Variants in CEP131 observed in about 807,000 individuals in gnomAD.
The protein encoded by CEP131 is centrosomal protein of 131 kDa.
A neutral mutation model predicts 136.8 loss-of-function variants in CEP131; 99 were observed. The observed-to-expected ratio is 0.72, with a 90% confidence interval of 0.62 to 0.86. CEP131 has a LOEUF of 0.86. CEP131 is among the 40% of genes least tolerant of loss of function. The pLI is 0.00. For missense variants in CEP131, 1,459 were observed against 1,463.0 expected (o/e 1.00, Z 0.04); for synonymous variants, 646 against 612.7 (o/e 1.05, Z -0.80).
At chr17:81,211,268 G>A (rs916808915) in intron 2 of CEP131, among the ~76,000 whole-genome samples, 2 of 152,246 alleles carry the variant, frequency 1.3e-5, no homozygotes, top group African/African-American at 2.4e-5. Context: ...CGCTGGAAAG[G>A]TGTTCGGGAG....
In CEP131 at chr17:81,192,603, G is replaced by A. The variant is rs569645104; in HGVS notation, c.2430-10C>T. On this transcript the variant is annotated splice_polypyrimidine_tract_variant and intron_variant, in intron 19 of 25. Coordinates refer to ENST00000450824, the MANE Select transcript of CEP131 (RefSeq NM_014984.4). The stretch of plus-strand genomic sequence containing the variant: ...CAGCTCCGCCCGCTGCCTGCGGCCA[G>A]GGAGGAGTCAGCAGGTGAGGGGTCA... 28 of 1,602,736 alleles carry A rather than the reference G, an allele frequency of 1.7e-5. No individual in the cohort carries two copies. The East Asian group carries it at 5.1e-4, about 29-fold the overall frequency.
At chr17:81,217,770 T>G (rs542468426) in intron 2 of CEP131, among the ~76,000 whole-genome samples, 1 of 152,194 alleles carries the variant, frequency 6.6e-6, no homozygotes, top group South Asian at 2.1e-4. Context: ...GAGCGGGCAA[T>G]GGTACCAGCC....
chr17:81,194,894 T>A lies in CEP131; in HGVS notation c.2095A>T (p.Lys699Ter). 2 of 1,613,280 alleles carry A rather than the reference T, an allele frequency of 1.2e-6. No individual in the cohort carries two copies. Among genetic ancestry groups the A allele is most frequent in the Non-Finnish European group, 1.7e-6 (2 of 1,179,964 alleles). ...REKWISEKTKKIKEVTVRGLE... is the reference protein window; with the variant it reads ...REKWISEKTK Reference sequence around the variant, plus strand: ...CCTCGGACAGTGACCTCCTTGATCTTCTTGGTTTTCTCACTGATCCACTTC... The same window carrying A: ...CCTCGGACAGTGACCTCCTTGATCTACTTGGTTTTCTCACTGATCCACTTC... The change falls in exon 17 of 26, where the codon AAG (lysine) becomes TAG (stop). Residue 699 changes from lysine to a stop codon, truncating the protein, a stop_gained. Transcript: ENST00000450824. LOFTEE classifies it high-confidence loss of function.
At chr17:81,198,763 TG>T in intron 11 of CEP131, 113 bp downstream of exon 11, 2 of 1,053,360 alleles carry the variant, frequency 1.9e-6, no homozygotes, top group South Asian at 1.4e-5. Flanking sequence ...TGAGCTTAAG[TG>T]GCCCCTAGAG....
At chr17:81,201,094 G>C (rs1261683480) in intron 7 of CEP131, among the ~76,000 whole-genome samples, 1 of 152,016 alleles carries the variant, frequency 6.6e-6, no homozygotes, top group Admixed American at 6.6e-5. Context: ...AAAAAAAAAT[G>C]CTTCACCTTG....
At chr17:81,198,846 A>G (rs564725994) in intron 11 of CEP131, 31 bp downstream of exon 11, 1 of 1,554,910 alleles carries the variant, frequency 6.4e-7, no homozygotes, top group Admixed American at 1.9e-5. Flanking sequence ...GCCAAAAACC[A>G]TGATGGAGTG....
In CEP131 at chr17:81,193,939, G is replaced by A. The variant is rs78439746; in HGVS notation, c.2308C>T (p.Arg770Cys). 6.1e-4 allele frequency: 943 copies of A among 1,536,764 alleles called. 8 individuals carry two copies. In the African/African-American group the frequency reaches 0.011, roughly 19 times the overall value. Reference sequence around the variant, plus strand: ...GCCACCACCCACCGCTGCCGAGCACGTTCGCGCTCCTGCTGGCCCAGCGCC... The same window carrying A: ...GCCACCACCCACCGCTGCCGAGCACATTCGCGCTCCTGCTGGCCCAGCGCC... ...KEALGQQERE[R>C]ARQRFQQHLE... Residue 770 changes from arginine to cysteine, a missense_variant, in exon 18 of 26, where the codon CGT becomes TGT. Arg to Cys is a radical substitution (Grantham distance 180). Transcript: ENST00000450824.
At chr17:81,206,423 T>C (rs1392728748) in intron 5 of CEP131, among the ~76,000 whole-genome samples, 1 of 152,130 alleles carries the variant, frequency 6.6e-6, no homozygotes, top group Non-Finnish European at 1.5e-5. Flanking sequence ...TCTATTTCTT[T>C]TGGAGCTTCC....
At chr17:81,195,606 G>A (rs1429865560) in intron 16 of CEP131, among the ~76,000 whole-genome samples, 2 of 152,218 alleles carry the variant, frequency 1.3e-5, no homozygotes, top group Non-Finnish European at 2.9e-5. Context: ...GTCCACATCT[G>A]TGACAGCAGG....
intron 1 of CEP131, 78 bp from the exon 2 acceptor site, chr17:81,220,151 C>CTGAGG: frequency 2.4e-6 from 3 of 1,255,652 alleles, no homozygotes; most frequent in Non-Finnish European, 3.1e-6. Context: ...TCCAGCCCAG[C>CTGAGG]CTCAGCTGGG....
chr17:81,207,696 C>T (rs906731580), intron 3 of CEP131, among the ~76,000 whole-genome samples: 9 of 151,594 alleles, frequency 5.9e-5, no homozygotes, highest in South Asian at 2.1e-4. Flanking sequence ...CTGCCACCCT[C>T]TTCCCTGTGA....
chr17:81,196,171 C>T (rs978201621), intron 15 of CEP131, among the ~76,000 whole-genome samples: 11 of 152,128 alleles, frequency 7.2e-5, no homozygotes, highest in Admixed American at 5.2e-4. Flanking sequence ...CTGGGGGACC[C>T]GGCGAATGTC....
At chr17:81,198,361 G>T (rs1199265226) in intron 11 of CEP131, 64 bp from the exon 12 acceptor site, 9 of 1,481,438 alleles carry the variant, frequency 6.1e-6, no homozygotes, top group African/African-American at 1.4e-5. Flanking sequence ...CCCCCACATA[G>T]GAGGCCAACC....
chr17:81,219,393 G>A lies in CEP131; in HGVS notation c.177+487C>T, dbSNP rs188774409. Reference sequence around the variant, plus strand: ...ACCGCAACCTCTGCCTCCTGGGTTCGAGCAAATCTCCTGCCTCAGCCTCCC... The same window carrying A: ...ACCGCAACCTCTGCCTCCTGGGTTCAAGCAAATCTCCTGCCTCAGCCTCCC... On this transcript the variant is annotated intron_variant, in intron 2 of 25. Transcript: ENST00000450824. The surrounding 1 kb of genome is among the most constrained non-coding windows in gnomAD (Gnocchi z 4.0). Among the ~76,000 whole-genome samples, 5 of 149,914 alleles carry A rather than the reference G, an allele frequency of 3.3e-5. No homozygotes were observed. The highest frequency in any genetic ancestry group is 4.0e-4 in the East Asian group (2 of 5,050).
chr17:81,192,685 G>GGGCCC, intron 19 of CEP131, 51 bp downstream of exon 19: 1 of 478,430 alleles, frequency 2.1e-6, no homozygotes, highest in Non-Finnish European at 4.1e-6. Flanking sequence ...GGGGGGAGGG[G>GGGCCC]TCAGCCAGCG....
At position 81,202,342 on chromosome 17, in the gene CEP131, A is replaced by G. The variant is rs111681839; in HGVS notation, c.686T>C (p.Leu229Pro). 7,307 of 1,613,670 alleles carry G rather than the reference A, an allele frequency of 4.5e-3. 182 individuals are homozygous for G. In the African/African-American group the frequency reaches 0.057, roughly 13 times the overall value. Residue 229 changes from leucine (L) to proline (P), a missense_variant, in exon 7 of 26, where the codon CTG (leucine) becomes CCG (proline). By Grantham distance (98) the Leu-to-Pro change is moderately conservative. This residue lies in a region of CEP131 where 246 missense variants were observed against 318.9 expected (regional missense o/e 0.77). Coordinates refer to ENST00000450824, the MANE Select transcript of CEP131 (RefSeq NM_014984.4). ...GGTGGCACTGGAGACATTCTTCGGC[A>G]GCTTCCCAAAGCCGCTGCTCTCACT... ...EGSESSGFGK[L>P]PKNVSSATHS... is the part of the protein sequence containing the mutation.
Position 81,191,300 on chromosome 17 carries a change from C to T in CEP131, c.2658G>A (p.Arg886=), listed in dbSNP as rs2061635676. The T allele has an allele frequency of 6.2e-7, 1 of 1,613,400 alleles. No individual in the cohort carries two copies. The highest frequency in any genetic ancestry group is 8.5e-7 in the Non-Finnish European group (1 of 1,179,954). ...TGTCCCGGCCTTTCCGGATTTCTTCCCTCAGCTCCTGTTCCCGGTTCAGCA... is the reference window on the plus strand; with the variant it reads ...TGTCCCGGCCTTTCCGGATTTCTTCTCTCAGCTCCTGTTCCCGGTTCAGCA... ...AWLLNREQEL[R]EEIRKGRDKE... Residue 886 remains arginine (R), a synonymous_variant, in exon 22 of 26, where the codon AGG becomes AGA. Coordinates refer to ENST00000450824, the MANE Select transcript of CEP131 (RefSeq NM_014984.4).
At chr17:81,220,997 C>T (rs775327697) in intron 1 of CEP131, among the ~76,000 whole-genome samples, 154 of 151,808 alleles carry the variant, frequency 1.0e-3, no homozygotes, top group Non-Finnish European at 1.6e-3. Flanking sequence ...TGGTGGCGAG[C>T]GCCTGTAATC....
intron 15 of CEP131, 33 bp from the exon 16 acceptor site, chr17:81,195,984 C>A (rs764429256): frequency 6.4e-7 from 1 of 1,569,324 alleles, no homozygotes; most frequent in South Asian, 1.1e-5. Context: ...GGTGCTACAC[C>A]AAGGCCCCAG....
Sources: gnomAD v4.1 joint callset for allele counts (sites outside exome capture counted in the v4.1 genomes callset) on GRCh38, gnomAD v4.1.1 for gene constraint, gnomAD v4.1.1 regional missense constraint, Gnocchi (gnomAD v3.1) non-coding constraint, MANE v1.5 for transcripts, NCBI Gene and HGNC (gene_info 2026-07-23, HGNC 2026-07-21) for gene names.